Variants in FIGN observed in about 807,000 individuals in gnomAD.
FIGN encodes the protein fidgetin, microtubule severing factor.
FIGN carries 11 observed loss-of-function variants against 51.3 expected under a neutral mutation model. The observed-to-expected ratio is 0.21, with a 90% CI of 0.13 to 0.35. The LOEUF (loss-of-function observed/expected upper bound fraction) is 0.35, where lower values mean the gene tolerates loss of function less well. Ranked by LOEUF, FIGN falls within the 10% of genes least tolerant of loss-of-function variation. The probability of loss-of-function intolerance (pLI) is 1.00; values close to 1 mark genes in which losing one functional copy is unlikely to be tolerated. For synonymous variants in FIGN, 407 were observed against 363.2 expected, an observed-to-expected ratio of 1.12 and a Z score of -1.37; for missense variants, 857 against 943.6, an observed-to-expected ratio of 0.91 and a Z score of 1.20.
At position 163,610,933 on chromosome 2, in the gene FIGN, A is replaced by C; in HGVS notation, c.899T>G (p.Leu300Trp). 6.2e-7 allele frequency: 1 copy of C among 1,613,974 alleles called. No individual in the cohort carries two copies. The highest frequency in any genetic ancestry group is 8.5e-7 in the Non-Finnish European group (1 of 1,179,984). Residue 300 changes from leucine to tryptophan, a missense_variant, in exon 3 of 3, where the codon TTG becomes TGG. By Grantham distance (61) the Leu-to-Trp change is moderately conservative. This residue lies in a region of FIGN where 799 missense variants were observed against 849.5 expected (regional missense o/e 0.94). Transcript: ENST00000333129. Reference sequence around the variant, plus strand: ...CAGAGCCGACGGTGCAATAGGTGTCAAACCATGGCCCTGGTAGGTGTAGCC... The same window carrying C: ...CAGAGCCGACGGTGCAATAGGTGTCCAACCATGGCCCTGGTAGGTGTAGCC... ...VPGYTYQGHG[L>W]TPIAPSALTN...
rs1691092380 is a variant in FIGN at position 163,605,618 on chromosome 2, AACAC to A, written c.*3930_*3933del. ...GAACACACACACATACACACATACA[AACAC>A]ACACACTAATTTTATATTTATATAT... is the stretch of plus-strand genomic sequence containing the variant. On this transcript the variant is annotated 3_prime_UTR_variant, in exon 3 of 3. Transcript: ENST00000333129. The A allele has an allele frequency of 6.6e-6, 1 of 151,614 alleles. No individual in the cohort carries two copies. The highest frequency in any genetic ancestry group is 1.5e-5 in the Non-Finnish European group (1 of 67,842). The allele number at this position is 151,614 out of a possible 1,614,324, so 9.4% of individuals were successfully genotyped here. A position where few individuals can be genotyped will look rare whatever the true frequency, so the allele number is the denominator to read the frequency against.
At chr2:163,720,906 A>T (rs970764745) in intron 2 of FIGN, among the ~76,000 whole-genome samples, 1 of 152,200 alleles carries the variant, frequency 6.6e-6, no homozygotes, top group Non-Finnish European at 1.5e-5. Flanking sequence ...TTTTTCAAGA[A>T]TTGCTGTGTC....
intron 2 of FIGN, among the ~76,000 whole-genome samples, chr2:163,701,588 C>G (rs1240342557): frequency 2.0e-5 from 3 of 152,188 alleles, no homozygotes; most frequent in Non-Finnish European, 4.4e-5. Flanking sequence ...CGACAAAGCT[C>G]CCAGCAGAGT....
intron 2 of FIGN, among the ~76,000 whole-genome samples, chr2:163,670,934 C>G (rs1683865607): frequency 6.6e-6 from 1 of 152,118 alleles, no homozygotes; most frequent in African/African-American, 2.4e-5. Flanking sequence ...TTTGGAGAGT[C>G]CTTTTTAAAG....
chr2:163,694,404 C>T (rs913531793), intron 2 of FIGN, among the ~76,000 whole-genome samples: 1 of 152,252 alleles, frequency 6.6e-6, no homozygotes, highest in East Asian at 1.9e-4. Context: ...CTAAGAGGTC[C>T]TATTGTAAAG....
intron 2 of FIGN, among the ~76,000 whole-genome samples, chr2:163,705,507 C>T (rs1052797948): frequency 2.0e-5 from 3 of 152,010 alleles, no homozygotes; most frequent in Non-Finnish European, 2.9e-5. Context: ...AATGGCAGAA[C>T]TAAATTCTTA....
intron 2 of FIGN, among the ~76,000 whole-genome samples, chr2:163,638,672 T>G (rs983570625): frequency 6.6e-6 from 1 of 152,210 alleles, no homozygotes; most frequent in Admixed American, 6.5e-5. Context: ...AAATTCTGCC[T>G]GAGTAACTGC....
chr2:163,696,395 C>A (rs1356555912), intron 2 of FIGN, among the ~76,000 whole-genome samples: 2 of 152,134 alleles, frequency 1.3e-5, no homozygotes, highest in African/African-American at 4.8e-5. Context: ...AATTAGCAAC[C>A]TATTCTACCT....
At chr2:163,682,052 G>A (rs1180391401) in intron 2 of FIGN, among the ~76,000 whole-genome samples, 1 of 152,082 alleles carries the variant, frequency 6.6e-6, no homozygotes, top group Non-Finnish European at 1.5e-5. Context: ...CCAAGACTGC[G>A]AATACTCAGA....
intron 2 of FIGN, among the ~76,000 whole-genome samples, chr2:163,685,525 G>T (rs1247601744): frequency 6.6e-6 from 1 of 152,164 alleles, no homozygotes; most frequent in African/African-American, 2.4e-5. Flanking sequence ...CATGATCTGT[G>T]TAGCATTCAG....
At chr2:163,715,795 T>C (rs1463738952) in intron 2 of FIGN, among the ~76,000 whole-genome samples, 2 of 152,192 alleles carry the variant, frequency 1.3e-5, no homozygotes, top group East Asian at 1.9e-4. Context: ...TAAAAACTGA[T>C]AGGCTAAGGC....
intron 2 of FIGN, among the ~76,000 whole-genome samples, chr2:163,695,721 C>T (rs1275978386): frequency 6.6e-6 from 1 of 152,160 alleles, no homozygotes; most frequent in Non-Finnish European, 1.5e-5. Flanking sequence ...TTTACTTGTT[C>T]ACAAGTCTGT....
At chr2:163,674,492 C>T (rs1207213822) in intron 2 of FIGN, among the ~76,000 whole-genome samples, 3 of 152,150 alleles carry the variant, frequency 2.0e-5, no homozygotes, top group African/African-American at 7.2e-5. Context: ...TTCAGTCTTG[C>T]ACTGCCAATT....
intron 2 of FIGN, among the ~76,000 whole-genome samples, chr2:163,682,671 T>A (rs1684084015): frequency 6.6e-6 from 1 of 152,200 alleles, no homozygotes; most frequent in African/African-American, 2.4e-5. Context: ...GAGAATTTTT[T>A]AAAAAGGCAT....
At chr2:163,656,964 A>C (rs957854377) in intron 2 of FIGN, among the ~76,000 whole-genome samples, 9 of 152,168 alleles carry the variant, frequency 5.9e-5, no homozygotes, top group Admixed American at 4.6e-4. Flanking sequence ...ATTGTTCTGA[A>C]TGTATATGGA....
intron 2 of FIGN, among the ~76,000 whole-genome samples, chr2:163,640,607 T>C (rs2105316189): frequency 6.6e-6 from 1 of 152,186 alleles, no homozygotes; most frequent in South Asian, 2.1e-4. Flanking sequence ...GTTCCTTATA[T>C]GAAGAATATC....
chr2:163,645,703 G>A (rs1485263259), intron 2 of FIGN, among the ~76,000 whole-genome samples: 1 of 152,136 alleles, frequency 6.6e-6, no homozygotes, highest in Non-Finnish European at 1.5e-5. Flanking sequence ...TTCCATAAAG[G>A]AGTATGGCCT....
chr2:163,704,625 TTCTC>T (rs751888499), intron 2 of FIGN, among the ~76,000 whole-genome samples: 20 of 36,406 alleles, frequency 5.5e-4, no homozygotes, highest in African/African-American at 1.5e-3. Context: ...GTCTCTCTCT[TTCTC>T]TCTCTCTCTC....
chr2:163,678,511 A>C (rs886093625), intron 2 of FIGN, among the ~76,000 whole-genome samples: 3 of 152,122 alleles, frequency 2.0e-5, no homozygotes, highest in African/African-American at 7.2e-5. Flanking sequence ...GTGAGCCACC[A>C]CGCCTGACCA....
Sources: allele counts gnomAD v4.1 joint callset (sites outside exome capture counted in the v4.1 genomes callset), GRCh38; gene constraint gnomAD v4.1.1; regional missense constraint gnomAD v4.1.1; transcripts MANE v1.5; gene names NCBI Gene and HGNC (gene_info 2026-07-23, HGNC 2026-07-21).